The following FOXN3 variants were observed in gnomAD, a reference collection of about 807,000 sequenced individuals.
The protein encoded by FOXN3 is forkhead box protein N3.
A neutral mutation model predicts 38.4 loss-of-function variants in FOXN3; 7 were observed. That is an observed-to-expected ratio of 0.18 (90% CI 0.10 to 0.34). FOXN3 has a LOEUF of 0.34. Among genes scored for constraint, FOXN3 ranks in the 10% least tolerant of loss-of-function variants. FOXN3 has a pLI of 1.00. For missense variants in FOXN3, 456 were observed against 613.4 expected, an observed-to-expected ratio of 0.74 and a Z score of 2.71; for synonymous variants, 230 against 242.2, an observed-to-expected ratio of 0.95 and a Z score of 0.47.
rs1383026119 is a variant in FOXN3, at chr14:89,363,986, ATAAT to A, written c.544-13182_544-13179del. Reference sequence around the variant, plus strand: ...TATATATATATATATATATATATATATAATATATATATATATTCTTCCATATCAA... The same window carrying A: ...TATATATATATATATATATATATATAATATATATATATTCTTCCATATCAA... On this transcript the variant is annotated intron_variant, in intron 2 of 5. Transcript: ENST00000557258. Among the ~76,000 whole-genome samples, 623 of 67,208 alleles carry A rather than the reference ATAAT, an allele frequency of 9.3e-3. 3 individuals carry two copies. The highest frequency in any genetic ancestry group is 0.037 in the African/African-American group (579 of 15,770). The allele number at this position is 67,208 out of a possible 152,430, so 44.1% of individuals were successfully genotyped here.
At position 89,385,124 on chromosome 14, in the gene FOXN3, T is replaced by A. The variant is rs1596243375; in HGVS notation, c.543+26810A>T. On this transcript the variant is annotated intron_variant, in intron 2 of 5. Coordinates refer to ENST00000557258, the MANE Select transcript of FOXN3 (RefSeq NM_005197.4). The stretch of plus-strand genomic sequence containing the variant: ...TTTGGAATATTTGCTTTCCCCTCTC[T>A]CTACTGCATTTGTCTATTTTCAATT... Among the ~76,000 whole-genome samples the A allele has an allele frequency of 2.0e-5, 3 of 152,284 alleles. No individual in the cohort carries two copies. In the South Asian group the frequency reaches 6.2e-4, roughly 32 times the overall value.
At chr14:89,463,594 G>A (rs1437583533) in intron 1 of FOXN3, among the ~76,000 whole-genome samples, 1 of 152,176 alleles carries the variant, frequency 6.6e-6, no homozygotes, top group East Asian at 1.9e-4. Context: ...AGAGCAGAGA[G>A]AGTGTATTTT....
chr14:89,313,751 G>T (rs1015891175), intron 3 of FOXN3, among the ~76,000 whole-genome samples: 1 of 152,134 alleles, frequency 6.6e-6, no homozygotes, highest in Admixed American at 6.6e-5. Flanking sequence ...ATGGCGAATG[G>T]ATAAACAAAA....
intron 1 of FOXN3, among the ~76,000 whole-genome samples, chr14:89,584,450 CA>C (rs1458653139): frequency 6.6e-5 from 10 of 152,112 alleles, no homozygotes; most frequent in Non-Finnish European, 1.2e-4. Context: ...TCTGTTATAG[CA>C]GCACAAAACG....
intron 4 of FOXN3, among the ~76,000 whole-genome samples, chr14:89,234,129 T>C (rs1240131764): frequency 6.6e-6 from 1 of 152,202 alleles, no homozygotes; most frequent in African/African-American, 2.4e-5. Flanking sequence ...TAAACTGCTC[T>C]GAAAGACTAA....
chr14:89,505,304 A>ACGGTCTCCCTCTGATGCCGAGC (rs1596300643), intron 1 of FOXN3, among the ~76,000 whole-genome samples: 4 of 21,304 alleles, frequency 1.9e-4, no homozygotes, highest in East Asian at 2.1e-3. Context: ...CCCTCTCCCC[A>ACGGTCTCCCTCTGATGCCGAGC]CGGTCTCCCT....
intron 1 of FOXN3, among the ~76,000 whole-genome samples, chr14:89,556,034 T>A (rs1296679790): frequency 6.6e-6 from 1 of 152,146 alleles, no homozygotes; most frequent in African/African-American, 2.4e-5. Flanking sequence ...CCAGTTTTCA[T>A]CATGTAACAA....
intron 4 of FOXN3, among the ~76,000 whole-genome samples, chr14:89,219,550 G>C (rs1191266796): frequency 1.3e-5 from 2 of 152,188 alleles, no homozygotes; most frequent in African/African-American, 4.8e-5. Flanking sequence ...TTCCCCGAGA[G>C]CATGGCACCA....
At chr14:89,297,645 A>G (rs1281367523) in intron 3 of FOXN3, among the ~76,000 whole-genome samples, 1 of 152,182 alleles carries the variant, frequency 6.6e-6, no homozygotes, top group Non-Finnish European at 1.5e-5. Flanking sequence ...AACTGAAAGC[A>G]GGGATTTGAA....
intron 4 of FOXN3, among the ~76,000 whole-genome samples, chr14:89,269,922 G>T (rs1886097361): frequency 6.6e-6 from 1 of 152,152 alleles, no homozygotes; most frequent in African/African-American, 2.4e-5. Context: ...CAGGGAGGTG[G>T]ATTTGAGAGC....
chr14:89,521,570 G>A (rs576429285), intron 1 of FOXN3, among the ~76,000 whole-genome samples: 101 of 152,268 alleles, frequency 6.6e-4, no homozygotes, highest in African/African-American at 2.4e-3. Flanking sequence ...GGAGGACAGA[G>A]AGAGAAAGAA....
chr14:89,504,268 G>C (rs1410097620), intron 1 of FOXN3, among the ~76,000 whole-genome samples: 3 of 152,218 alleles, frequency 2.0e-5, no homozygotes, highest in Non-Finnish European at 4.4e-5. Flanking sequence ...CACTTTCCCA[G>C]GCACGTGTCA....
At position 89,157,407 on chromosome 14, in the gene FOXN3, T is replaced by A. The variant is rs1566916095; in HGVS notation, c.*5007A>T. ...GACGAGTCTGTGCTTAATTCAAGAA[T>A]AACCAGTAGGAGAGAGAGAAAACAC... On this transcript the variant is annotated 3_prime_UTR_variant, in exon 6 of 6. Transcript: ENST00000557258. 6.6e-6 allele frequency: 1 copy of A among 152,658 alleles called. No individual in the cohort carries two copies. Among genetic ancestry groups the A allele is most frequent in the Non-Finnish European group, 1.5e-5 (1 of 68,050 alleles). 9.5% of individuals were successfully genotyped at this position (152,658 alleles called of 1,614,324 possible).
intron 2 of FOXN3, among the ~76,000 whole-genome samples, chr14:89,407,881 TAAATA>T (rs1452084385): frequency 6.6e-6 from 1 of 152,060 alleles, no homozygotes; most frequent in Non-Finnish European, 1.5e-5. Flanking sequence ...CAAAAAAGAA[TAAATA>T]AAATAAGTGT....
chr14:89,435,712 A>G (rs763369962), intron 1 of FOXN3, among the ~76,000 whole-genome samples: 15 of 152,250 alleles, frequency 9.9e-5, no homozygotes, highest in Non-Finnish European at 1.9e-4. Flanking sequence ...TCAGCTATCC[A>G]CAGGGATCTG....
At chr14:89,571,889 T>C (rs2139896198) in intron 1 of FOXN3, among the ~76,000 whole-genome samples, 1 of 152,342 alleles carries the variant, frequency 6.6e-6, no homozygotes, top group South Asian at 2.1e-4. Flanking sequence ...AGCATGGTCC[T>C]TGATCATAAA....
intron 2 of FOXN3, among the ~76,000 whole-genome samples, chr14:89,373,558 C>A (rs546281468): frequency 3.1e-4 from 47 of 152,278 alleles, no homozygotes; most frequent in African/African-American, 1.1e-3. Flanking sequence ...AAAGCAGTGA[C>A]CATTTTACAT....
chr14:89,427,228 CAAA>C (rs1377599085), intron 1 of FOXN3, among the ~76,000 whole-genome samples: 5 of 44,456 alleles, frequency 1.1e-4, no homozygotes, highest in Admixed American at 2.7e-4. Context: ...GCCTCTGTCT[CAAA>C]AAAAAAAAAA....
At chr14:89,385,739 G>A (rs916923394) in intron 2 of FOXN3, among the ~76,000 whole-genome samples, 3 of 152,180 alleles carry the variant, frequency 2.0e-5, no homozygotes, top group Non-Finnish European at 2.9e-5. Flanking sequence ...CCCAGGACGC[G>A]GAGGCTGTGG....
Sources: allele counts gnomAD v4.1 joint callset (sites outside exome capture counted in the v4.1 genomes callset), GRCh38; gene constraint gnomAD v4.1.1; transcripts MANE v1.5; gene names NCBI Gene and HGNC (gene_info 2026-07-23, HGNC 2026-07-21).